Variants in DNAH12 observed in about 807,000 individuals in gnomAD.
The protein encoded by DNAH12 is dynein axonemal heavy chain 12.
A neutral mutation model predicts 371.5 loss-of-function variants in DNAH12; 285 were observed. That is an observed-to-expected ratio of 0.77 (90% CI 0.70 to 0.85). The LOEUF (loss-of-function observed/expected upper bound fraction) is 0.85. DNAH12 is among the 40% of genes least tolerant of loss of function. DNAH12 has a pLI of 0.00. For synonymous variants in DNAH12, 1,200 were observed against 1,213.0 expected (o/e 0.99, Z 0.22); for missense variants, 3,611 against 3,689.4 (o/e 0.98, Z 0.55).
At chr3:57,448,802 G>A (rs2153371972) in intron 25 of DNAH12, among the ~76,000 whole-genome samples, 1 of 152,288 alleles carries the variant, frequency 6.6e-6, no homozygotes, top group Non-Finnish European at 1.5e-5. Flanking sequence ...TGGACACAAA[G>A]GTTCTCCAAA....
intron 34 of DNAH12, among the ~76,000 whole-genome samples, chr3:57,427,426 C>A (rs1270874211): frequency 2.0e-5 from 3 of 151,984 alleles, no homozygotes; most frequent in Non-Finnish European, 4.4e-5. Flanking sequence ...GTTGCTCATG[C>A]CTGTAATCCC....
Position 57,352,095 on chromosome 3 carries a change from T to C in DNAH12, c.9664A>G (p.Asn3222Asp). Residue 3222 changes from asparagine to aspartate, a missense_variant, in exon 60 of 74, where the codon AAT becomes GAT. Asn to Asp is a conservative substitution (Grantham distance 23). This residue lies in a region of DNAH12 where 2,266 missense variants were observed against 2,236.9 expected (regional missense o/e 1.01). Transcript: ENST00000495027. Reference sequence around the variant, plus strand: ...AAGCAAGTAACTTACAGAAGAAGATTGGCACATAATAAAAAGGAAAATAAC... The same window carrying C: ...AAGCAAGTAACTTACAGAAGAAGATCGGCACATAATAAAAAGGAAAATAAC... ...KLLFSFLLCA[N>D]LLLARKEIEY... 1 of 1,516,054 alleles carries C rather than the reference T, an allele frequency of 6.6e-7. No individual in the cohort carries two copies. Among genetic ancestry groups the C allele is most frequent in the Middle Eastern group, 1.7e-4 (1 of 5,880 alleles). 93.9% of individuals were successfully genotyped at this position (1,516,054 alleles called of 1,614,324 possible). A position where few individuals can be genotyped will look rare whatever the true frequency, so the allele number is the denominator to read the frequency against.
At chr3:57,431,647 A>T (rs2064958658) in intron 32 of DNAH12, among the ~76,000 whole-genome samples, 1 of 152,180 alleles carries the variant, frequency 6.6e-6, no homozygotes, top group Admixed American at 6.5e-5. Flanking sequence ...TTGAAGTCTT[A>T]CTATATTTCC....
In DNAH12 at chr3:57,419,383, T is replaced by C. The variant is rs940655722; in HGVS notation, c.5698A>G (p.Ser1900Gly). ...TIRYTFLMDL[S>G]ITYAKPLLFV... ...GTTCCTTACTTTGCATAGGTAATACTCAAATCCATTAGAAACGTATATCTA... is the reference window on the plus strand; with the variant it reads ...GTTCCTTACTTTGCATAGGTAATACCCAAATCCATTAGAAACGTATATCTA... Residue 1900 changes from serine to glycine, a missense_variant, in exon 37 of 74, where the codon AGT becomes GGT. This residue lies in a region of DNAH12 where 2,266 missense variants were observed against 2,236.9 expected (regional missense o/e 1.01). Transcript: ENST00000495027. The C allele has an allele frequency of 1.3e-6, 2 of 1,500,984 alleles. No individual in the cohort carries two copies. The highest frequency in any genetic ancestry group is 2.9e-5 in the African/African-American group (2 of 69,446). 93.0% of individuals were successfully genotyped at this position (1,500,984 alleles called of 1,614,324 possible). A position where few individuals can be genotyped will look rare whatever the true frequency, so the allele number is the denominator to read the frequency against.
At chr3:57,505,810 C>T (rs533617164) in intron 8 of DNAH12, among the ~76,000 whole-genome samples, 14 of 152,196 alleles carry the variant, frequency 9.2e-5, no homozygotes, top group South Asian at 4.1e-4. Context: ...AATCATAGTT[C>T]ACAGCAGGCT....
At chr3:57,322,700 C>A (rs556098394) in intron 64 of DNAH12, among the ~76,000 whole-genome samples, 7 of 152,296 alleles carry the variant, frequency 4.6e-5, no homozygotes, top group East Asian at 1.9e-4. Flanking sequence ...GAGGCTGAGG[C>A]GGGTGGATCA....
chr3:57,415,445 G>A lies in DNAH12; in HGVS notation c.5834C>T (p.Thr1945Ile). The A allele has an allele frequency of 2.6e-6, 4 of 1,550,036 alleles. No homozygotes were observed. The highest frequency in any genetic ancestry group is 3.5e-6 in the Non-Finnish European group (4 of 1,146,656). Residue 1945 changes from threonine (T) to isoleucine (I), a missense_variant, in exon 38 of 74, where the codon ACC becomes ATC. By Grantham distance (89) the Thr-to-Ile change is moderately conservative (BLOSUM62 -1). Around this residue, in one of 3 missense-constraint regions of DNAH12, gnomAD observed 2,266 missense variants for 2,236.9 expected, o/e 1.01. Transcript: ENST00000495027. Reference protein sequence around the residue: ...FPFYINLSARTSANQVQNIIM... With the variant: ...FPFYINLSARISANQVQNIIM... The stretch of plus-strand genomic sequence containing the variant: ...ACTAACCTGAACCTGATTGGCGCTG[G>A]TCCGTGCAGATAAGTTAATATAAAA...
rs1012554432 is a variant in DNAH12, at chr3:57,366,207, C to G, written c.9167+522G>C. 5.3e-3 allele frequency among the ~76,000 whole-genome samples: 804 copies of G among 152,286 alleles called. 9 individuals are homozygous for G. The highest frequency in any genetic ancestry group is 0.019 in the African/African-American group (779 of 41,556). On this transcript the variant is annotated intron_variant, in intron 57 of 73. Transcript: ENST00000495027. ...TGACCTCTGGTCCTCCTCACTGCTA[C>G]ACCCCACCAGTGCCCTAACAGTTTA...
chr3:57,352,269 G>T, intron 59 of DNAH12, 44 bp from the exon 60 acceptor site: 1 of 1,494,340 alleles, frequency 6.7e-7, no homozygotes, highest in Non-Finnish European at 8.9e-7. Flanking sequence ...ACAAAACTAA[G>T]AAAATATAAG....
At chr3:57,405,504 A>C (rs1182820807) in intron 41 of DNAH12, 149 bp downstream of exon 41, 4 of 897,870 alleles carry the variant, frequency 4.5e-6, no homozygotes, top group African/African-American at 1.7e-5. Flanking sequence ...TTTCCTATGA[A>C]GATAAATCTT....
At chr3:57,319,208 T>C (rs1392411208) in intron 65 of DNAH12, among the ~76,000 whole-genome samples, 1 of 152,206 alleles carries the variant, frequency 6.6e-6, no homozygotes, top group Non-Finnish European at 1.5e-5. Flanking sequence ...AATTTTTATA[T>C]GTTGATTTTG....
intron 13 of DNAH12, among the ~76,000 whole-genome samples, chr3:57,481,481 A>AATGGCCACC (rs1314194269): frequency 6.6e-6 from 1 of 152,014 alleles, no homozygotes; most frequent in East Asian, 1.9e-4. Context: ...ATATCGTGAA[A>AATGGCCACC]ATGGCCATAC....
intron 13 of DNAH12, among the ~76,000 whole-genome samples, chr3:57,481,082 G>A (rs1349797944): frequency 6.6e-6 from 1 of 152,088 alleles, no homozygotes; most frequent in Non-Finnish European, 1.5e-5. Flanking sequence ...CAATCAGGCA[G>A]GAGAAGGAAA....
At chr3:57,453,095 CA>C (rs2065803298) in intron 24 of DNAH12, 80 bp from the exon 25 acceptor site, 1 of 1,465,808 alleles carries the variant, frequency 6.8e-7, no homozygotes. Flanking sequence ...TCTTTTATAA[CA>C]GCAAATACTA....
In DNAH12 at chr3:57,510,715, T is replaced by G. The variant is rs1282649786; in HGVS notation, c.469+75A>C. On this transcript the variant is annotated intron_variant, in intron 5 of 73. Coordinates refer to ENST00000495027, the MANE Select transcript of DNAH12 (RefSeq NM_001366028.2). ...TAGTGTTCATTACTCATTTTGCTTA[T>G]TTCTATTTTTGATTCAGTGGGGACG... 4.4e-6 allele frequency: 6 copies of G among 1,359,848 alleles called. No individual in the cohort carries two copies. The East Asian group carries it at 1.2e-4, about 26-fold the overall frequency. The allele number at this position is 1,359,848 out of a possible 1,614,324, so 84.2% of individuals were successfully genotyped here.
intron 7 of DNAH12, 77 bp from the exon 8 acceptor site, chr3:57,507,915 T>A: frequency 7.4e-7 from 1 of 1,348,868 alleles, no homozygotes; most frequent in Non-Finnish European, 9.9e-7. Context: ...TGGGCCGGGC[T>A]CGGTGGTTCA....
At chr3:57,525,565 T>A (rs2068616680) in intron 2 of DNAH12, among the ~76,000 whole-genome samples, 1 of 152,086 alleles carries the variant, frequency 6.6e-6, no homozygotes, top group Non-Finnish European at 1.5e-5. Flanking sequence ...ATTTATGGAT[T>A]ACATGAGATA....
intron 7 of DNAH12, 123 bp downstream of exon 7, chr3:57,508,259 T>TC: frequency 9.7e-6 from 10 of 1,031,638 alleles, no homozygotes; most frequent in Non-Finnish European, 1.3e-5. Flanking sequence ...AGATACATTT[T>TC]TTTAAACTCT....
At chr3:57,431,585 G>A (rs183586413) in intron 32 of DNAH12, among the ~76,000 whole-genome samples, 40 of 151,900 alleles carry the variant, frequency 2.6e-4, no homozygotes, top group African/African-American at 9.7e-4. Context: ...TCTTTCATTA[G>A]GCAGCTTTTG....
Sources: allele counts gnomAD v4.1 joint callset (sites outside exome capture counted in the v4.1 genomes callset), GRCh38; gene constraint gnomAD v4.1.1; regional missense constraint gnomAD v4.1.1; transcripts MANE v1.5; gene names NCBI Gene and HGNC (gene_info 2026-07-23, HGNC 2026-07-21).